Variants in BRWD1 observed in about 807,000 individuals in gnomAD.
BRWD1 encodes the protein bromodomain and WD repeat domain containing 1.
In BRWD1, 82 loss-of-function variants were observed where a neutral mutation model predicts 251.2. The ratio of observed to expected loss-of-function variants is 0.33; its 90% CI spans 0.27 to 0.39. The LOEUF (loss-of-function observed/expected upper bound fraction) is 0.39. Ranked by LOEUF, BRWD1 falls within the 10% of genes least tolerant of loss-of-function variation. BRWD1 has a pLI of 1.00. For synonymous variants in BRWD1, 918 were observed against 902.8 expected, an observed-to-expected ratio of 1.02 and a Z score of -0.30; for missense variants, 2,233 against 2,711.6, an observed-to-expected ratio of 0.82 and a Z score of 3.92.
At chr21:39,219,892 G>C (rs2033104302) in intron 29 of BRWD1, 1 of 152,184 alleles carries the variant, frequency 6.6e-6, no homozygotes, top group African/African-American at 2.4e-5. Flanking sequence ...AAATGTGGGG[G>C]AAGAGGGCAG....
intron 17 of BRWD1, among the ~76,000 whole-genome samples, chr21:39,263,593 T>C (rs1239305756): frequency 6.6e-6 from 1 of 152,206 alleles, no homozygotes; most frequent in Admixed American, 6.5e-5. Context: ...GACAGTCATA[T>C]GCAATGATAC....
chr21:39,186,046 T>C lies in BRWD1; in HGVS notation c.*10213A>G, dbSNP rs2031211024. The C allele has an allele frequency of 1.3e-5, 2 of 152,168 alleles. No individual in the cohort carries two copies. The highest frequency in any genetic ancestry group is 4.8e-5 in the African/African-American group (2 of 41,450). The allele number at this position is 152,168 out of a possible 1,614,324, so 9.4% of individuals were successfully genotyped here. A position where few individuals can be genotyped will look rare whatever the true frequency, so the allele number is the denominator to read the frequency against. ...GGCCAAACATGCTACCATTAAAGTT[T>C]GTTGGGATGAGATTGTAGTAAGTTT... On this transcript the variant is annotated 3_prime_UTR_variant, in exon 41 of 41. Coordinates refer to ENST00000342449, the MANE Select transcript of BRWD1 (RefSeq NM_033656.4).
intron 7 of BRWD1, 33 bp from the exon 8 acceptor site, chr21:39,294,065 G>C (rs764559519): frequency 6.4e-7 from 1 of 1,550,574 alleles, no homozygotes; most frequent in Non-Finnish European, 8.9e-7. Context: ...ATTAATGTTA[G>C]TACAGCAAAT....
In BRWD1 at chr21:39,277,245, G is replaced by T; in HGVS notation, c.1104+6C>A. On this transcript the variant is annotated splice_donor_region_variant and intron_variant, in intron 11 of 40. Transcript: ENST00000342449. The stretch of plus-strand genomic sequence containing the variant: ...ATCTAAAGGATTTTAAAACGTGGAT[G>T]CTTACAGTGTGGCTTTCAAGTTCTG... The T allele has an allele frequency of 6.3e-7, 1 of 1,590,350 alleles. No individual in the cohort carries two copies. Among genetic ancestry groups the T allele is most frequent in the East Asian group, 2.2e-5 (1 of 44,598 alleles).
chr21:39,187,600 T>C lies in BRWD1; in HGVS notation c.*8659A>G, dbSNP rs188577349. 2.1e-5 allele frequency: 21 copies of C among 985,168 alleles called. No individual in the cohort carries two copies. In the East Asian group the frequency reaches 2.2e-3, roughly 101 times the overall value. The allele number at this position is 985,168 out of a possible 1,614,324, so 61.0% of individuals were successfully genotyped here. On this transcript the variant is annotated 3_prime_UTR_variant, in exon 41 of 41. Coordinates refer to ENST00000342449, the MANE Select transcript of BRWD1 (RefSeq NM_033656.4). ...ACATTGATATAACCTTACATTTGCT[T>C]ATCTACAACTATAAGGATGTCACTT...
intron 4 of BRWD1, among the ~76,000 whole-genome samples, chr21:39,301,287 C>T (rs1397507425): frequency 6.6e-6 from 1 of 152,154 alleles, no homozygotes; most frequent in Non-Finnish European, 1.5e-5. Context: ...AAATCCCCTC[C>T]TCATTTACTT....
intron 4 of BRWD1, among the ~76,000 whole-genome samples, chr21:39,310,710 G>C (rs778676903): frequency 1.3e-5 from 2 of 152,070 alleles, no homozygotes; most frequent in African/African-American, 4.8e-5. Context: ...TGCGTTTCGA[G>C]ACAGGGTCTC....
In BRWD1 at chr21:39,192,023, TCTCCCCCTCC is replaced by T; in HGVS notation, c.*4226_*4235del. 8 of 984,760 alleles carry T rather than the reference TCTCCCCCTCC, an allele frequency of 8.1e-6. No homozygotes were observed. Among genetic ancestry groups the T allele is most frequent in the Non-Finnish European group, 9.6e-6 (8 of 829,418 alleles). The allele number at this position is 984,760 out of a possible 1,614,324, so 61.0% of individuals were successfully genotyped here. A position where few individuals can be genotyped will look rare whatever the true frequency, so the allele number is the denominator to read the frequency against. On this transcript the variant is annotated 3_prime_UTR_variant, in exon 41 of 41. Coordinates refer to ENST00000342449, the MANE Select transcript of BRWD1 (RefSeq NM_033656.4). Reference sequence around the variant, plus strand: ...ATTGGTAGAATCCAAATGATGTGACTCTCCCCCTCCCTCCATCAAATCTAGAAAAGCAATT... The same window carrying T: ...ATTGGTAGAATCCAAATGATGTGACTCTCCATCAAATCTAGAAAAGCAATT...
intron 5 of BRWD1, chr21:39,296,846 A>C (rs1401213566): frequency 1.0e-6 from 1 of 977,060 alleles, no homozygotes. Flanking sequence ...GAAAGGTCTT[A>C]CAACTGATCC....
At position 39,190,676 on chromosome 21, in the gene BRWD1, G is replaced by A; in HGVS notation, c.*5583C>T. ...AATGATCTTCATCCCTCCCAAAGCA[G>A]AAGTTTCCAAAAACATCCCATAAAC... On this transcript the variant is annotated 3_prime_UTR_variant, in exon 41 of 41. Coordinates refer to ENST00000342449, the MANE Select transcript of BRWD1 (RefSeq NM_033656.4). The A allele has an allele frequency of 4.1e-6, 4 of 985,358 alleles. No individual in the cohort carries two copies. The highest frequency in any genetic ancestry group is 5.2e-4 in the Middle Eastern group (1 of 1,914). 61.0% of individuals were successfully genotyped at this position (985,358 alleles called of 1,614,324 possible). A position where few individuals can be genotyped will look rare whatever the true frequency, so the allele number is the denominator to read the frequency against.
At chr21:39,310,241 C>A (rs538250299) in intron 4 of BRWD1, among the ~76,000 whole-genome samples, 1 of 152,192 alleles carries the variant, frequency 6.6e-6, no homozygotes, top group African/African-American at 2.4e-5. Context: ...GTTGGCCAGG[C>A]GCAGTGGCTC....
intron 12 of BRWD1, among the ~76,000 whole-genome samples, chr21:39,274,840 G>C (rs1601437589): frequency 6.6e-6 from 1 of 152,214 alleles, no homozygotes; most frequent in Non-Finnish European, 1.5e-5. Context: ...AGGAGTTCGA[G>C]ATCAGTCTGA....
Position 39,200,397 on chromosome 21 carries a change from TA to T in BRWD1, c.4586-12del. On this transcript the variant is annotated splice_polypyrimidine_tract_variant and intron_variant, in intron 38 of 40. Transcript: ENST00000342449. ...CTTCCACTTCACTTTCTAGGAAAAA[TA>T]AAGTGTAAATAGTTACATATATTCT... The T allele has an allele frequency of 6.2e-7, 1 of 1,608,846 alleles. No individual in the cohort carries two copies. The highest frequency in any genetic ancestry group is 8.5e-7 in the Non-Finnish European group (1 of 1,177,352).
chr21:39,244,863 C>G (rs1036487001), intron 21 of BRWD1, among the ~76,000 whole-genome samples: 3 of 145,844 alleles, frequency 2.1e-5, no homozygotes, highest in Non-Finnish European at 3.0e-5. Flanking sequence ...ATGATACAAC[C>G]TGACTATCCA....
chr21:39,281,910 G>GTATA (rs200766731), intron 8 of BRWD1, among the ~76,000 whole-genome samples: 19 of 74,978 alleles, frequency 2.5e-4, no homozygotes, highest in African/African-American at 6.1e-4. Context: ...ATGTATACAT[G>GTATA]TATATATATA....
At chr21:39,311,280 G>A (rs919756630) in intron 4 of BRWD1, among the ~76,000 whole-genome samples, 4 of 151,842 alleles carry the variant, frequency 2.6e-5, no homozygotes, top group Non-Finnish European at 5.9e-5. Context: ...TGATCCTTCC[G>A]CCTCAGCCTC....
intron 21 of BRWD1, among the ~76,000 whole-genome samples, chr21:39,246,802 G>C (rs985097029): frequency 6.6e-6 from 1 of 152,230 alleles, no homozygotes; most frequent in Non-Finnish European, 1.5e-5. Flanking sequence ...AGCCCGTCCG[G>C]CTGGGCGTGG....
intron 8 of BRWD1, among the ~76,000 whole-genome samples, chr21:39,289,921 A>G (rs2035756944): frequency 6.6e-6 from 1 of 151,300 alleles, no homozygotes; most frequent in African/African-American, 2.4e-5. Context: ...GCTACTTGGG[A>G]GGCTGAGGCA....
intron 33 of BRWD1, 73 bp downstream of exon 33, chr21:39,213,399 ACTACAAAGC>A: frequency 1.0e-6 from 1 of 960,016 alleles, no homozygotes; most frequent in South Asian, 1.4e-5. Context: ...AAGAGTTGGT[ACTACAAAGC>A]CAACATTTTC....
Sources: allele counts gnomAD v4.1 joint callset (sites outside exome capture counted in the v4.1 genomes callset), GRCh38; gene constraint gnomAD v4.1.1; transcripts MANE v1.5; gene names NCBI Gene and HGNC (gene_info 2026-07-23, HGNC 2026-07-21).